The following SLC18A2 variants were observed in gnomAD, a reference collection of about 807,000 sequenced individuals.
SLC18A2 encodes solute carrier family 18 member A2.
Under a neutral mutation model 59.2 loss-of-function variants are expected in SLC18A2, and 33 were observed. That is an observed-to-expected ratio of 0.56 (90% CI 0.42 to 0.75). SLC18A2 has a LOEUF of 0.75. Ranked by LOEUF, SLC18A2 falls within the 30% of genes least tolerant of loss-of-function variation. SLC18A2 has a pLI of 0.00. For missense variants in SLC18A2, 569 were observed against 668.6 expected (o/e 0.85, Z 1.64); for synonymous variants, 228 against 253.5 (o/e 0.90, Z 0.95).
At chr10:117,265,890 G>A (rs928846694) in intron 10 of SLC18A2, among the ~76,000 whole-genome samples, 1 of 152,132 alleles carries the variant, frequency 6.6e-6, no homozygotes, top group Admixed American at 6.5e-5. Context: ...AGGAGTTTGA[G>A]CCCAGCCTGG....
intron 3 of SLC18A2, among the ~76,000 whole-genome samples, chr10:117,251,826 A>G (rs1373268858): frequency 1.3e-5 from 2 of 152,210 alleles, no homozygotes; most frequent in African/African-American, 4.8e-5. Context: ...GACAGATATC[A>G]TGCCTCAGTT....
At chr10:117,263,205 T>G (rs1844314057) in intron 10 of SLC18A2, among the ~76,000 whole-genome samples, 3 of 152,160 alleles carry the variant, frequency 2.0e-5, no homozygotes, top group African/African-American at 7.2e-5. Context: ...CTTCCCTAGT[T>G]CTCTGTAGCT....
At chr10:117,247,179 A>G (rs943467968) in intron 3 of SLC18A2, among the ~76,000 whole-genome samples, 47 of 152,252 alleles carry the variant, frequency 3.1e-4, no homozygotes, top group African/African-American at 1.1e-3. Flanking sequence ...CTTTTGATGT[A>G]AACTGTGCCA....
At chr10:117,262,967 T>A (rs1844310741) in intron 10 of SLC18A2, among the ~76,000 whole-genome samples, 1 of 152,204 alleles carries the variant, frequency 6.6e-6, no homozygotes, top group South Asian at 2.1e-4. Context: ...CCAGAAGCCA[T>A]GGGCCATCAG....
At chr10:117,253,963 A>G in intron 4 of SLC18A2, 85 bp from the exon 5 acceptor site, 1 of 1,226,266 alleles carries the variant, frequency 8.2e-7, no homozygotes, top group Non-Finnish European at 1.2e-6. Flanking sequence ...CCACTGGGTT[A>G]AGGGGGGCTT....
rs770969143 is a variant in SLC18A2 at position 117,267,745 on chromosome 10, C to T, written c.1186+9C>T. ...AGTTGGTTTTGCAATTGGTAAGTCA[C>T]ACGAACCTTGTGCCTACATTTAAAA... On this transcript the variant is annotated intron_variant, in intron 13 of 15. Coordinates refer to ENST00000644641, the MANE Select transcript of SLC18A2 (RefSeq NM_003054.6). 1 of 1,547,770 alleles carries T rather than the reference C, an allele frequency of 6.5e-7. No individual in the cohort carries two copies.
rs755012803 is a variant in SLC18A2, at chr10:117,244,049, A to C, written c.200A>C (p.His67Pro). Residue 67 changes from histidine (H) to proline (P), a missense_variant, in exon 3 of 16, where the codon CAC (histidine) becomes CCC (proline). His to Pro is a moderately conservative substitution (Grantham distance 77). Transcript: ENST00000644641. ...GAAATCCAGACGGCCAGGCCAGTGC[A>C]CACTGCCTCCATCTCAGACAGCTTC... is the stretch of plus-strand genomic sequence containing the variant. ...ATEIQTARPV[H>P]TASISDSFQS... The C allele has an allele frequency of 4.3e-6, 7 of 1,614,064 alleles. No homozygotes were observed. Among genetic ancestry groups the C allele is most frequent in the Admixed American group, 1.7e-5 (1 of 60,000 alleles).
In SLC18A2 at chr10:117,269,017, C is replaced by T. The variant is rs547307510; in HGVS notation, c.1187-1054C>T. Among the ~76,000 whole-genome samples, 1 of 151,528 alleles carries T rather than the reference C, an allele frequency of 6.6e-6. No homozygotes were observed. Among genetic ancestry groups the T allele is most frequent in the South Asian group, 2.1e-4 (1 of 4,774 alleles). On this transcript the variant is annotated intron_variant, in intron 13 of 15. Transcript: ENST00000644641. The surrounding 1 kb of genome is among the most constrained non-coding windows in gnomAD (Gnocchi z 5.1). ...ACACAAACACACATACACACACTGACACACGCATACACACACACATACACA... is the reference window on the plus strand; with the variant it reads ...ACACAAACACACATACACACACTGATACACGCATACACACACACATACACA...
chr10:117,254,405 G>A lies in SLC18A2; in HGVS notation c.608G>A (p.Gly203Glu). 6.3e-7 allele frequency: 1 copy of A among 1,585,612 alleles called. No individual in the cohort carries two copies. The highest frequency in any genetic ancestry group is 8.6e-7 in the Non-Finnish European group (1 of 1,164,602). The part of the protein sequence containing the change: ...GIGSSCSSVA[G>E]MGMLASVYTD... The stretch of plus-strand genomic sequence containing the variant: ...GTTGACTATTTCTTTCCCTGTGTAG[G>A]GATGGGCATGCTTGCCAGTGTCTAC... The change falls in exon 6 of 16, where the codon GGG becomes GAG. Residue 203 changes from glycine (G) to glutamate (E), a missense_variant and splice_region_variant. This residue lies in a region of SLC18A2 where 377 missense variants were observed against 389.8 expected (regional missense o/e 0.97). Transcript: ENST00000644641.
At chr10:117,256,913 C>T (rs1468751966) in intron 9 of SLC18A2, among the ~76,000 whole-genome samples, 1 of 152,176 alleles carries the variant, frequency 6.6e-6, no homozygotes, top group Non-Finnish European at 1.5e-5. Context: ...AGTACCTGCT[C>T]ACAGGAGACA....
intron 3 of SLC18A2, among the ~76,000 whole-genome samples, chr10:117,251,296 TCTC>T (rs1288087248): frequency 2.0e-5 from 3 of 152,164 alleles, no homozygotes; most frequent in Non-Finnish European, 4.4e-5. Context: ...GCCTGTGAGT[TCTC>T]CTCTCTGAGC....
Position 117,278,493 on chromosome 10 carries a change from G to C in SLC18A2, c.*1227G>C, listed in dbSNP as rs1402810501. The C allele has an allele frequency of 6.6e-6, 1 of 152,190 alleles. No individual in the cohort carries two copies. The highest frequency in any genetic ancestry group is 2.4e-5 in the African/African-American group (1 of 41,444). 9.4% of individuals were successfully genotyped at this position (152,190 alleles called of 1,614,324 possible). The stretch of plus-strand genomic sequence containing the variant: ...ATTGATGTGCCTTTTCAGTGTAACA[G>C]CAAATACTGTTAGTGAACATTGTCA... On this transcript the variant is annotated 3_prime_UTR_variant, in exon 16 of 16. Coordinates refer to ENST00000644641, the MANE Select transcript of SLC18A2 (RefSeq NM_003054.6).
chr10:117,278,869 A>C lies in SLC18A2; in HGVS notation c.*1603A>C, dbSNP rs1263927025. The C allele has an allele frequency of 6.6e-6, 1 of 152,216 alleles. No individual in the cohort carries two copies. Among genetic ancestry groups the C allele is most frequent in the Non-Finnish European group, 1.5e-5 (1 of 68,046 alleles). 9.4% of individuals were successfully genotyped at this position (152,216 alleles called of 1,614,324 possible). ...ACTTGGCCAAGTCTGCCACTTTGGAAGATGGCTCTGGAGGAAACTCTCATA... is the reference window on the plus strand; with the variant it reads ...ACTTGGCCAAGTCTGCCACTTTGGACGATGGCTCTGGAGGAAACTCTCATA... On this transcript the variant is annotated 3_prime_UTR_variant, in exon 16 of 16. Coordinates refer to ENST00000644641, the MANE Select transcript of SLC18A2 (RefSeq NM_003054.6).
At chr10:117,255,930 G>A (rs751110491) in intron 9 of SLC18A2, among the ~76,000 whole-genome samples, 2 of 152,212 alleles carry the variant, frequency 1.3e-5, no homozygotes, top group Non-Finnish European at 2.9e-5. Context: ...TCCTGGGGAT[G>A]CCCGGCTGGG....
intron 3 of SLC18A2, among the ~76,000 whole-genome samples, chr10:117,248,974 T>C (rs363337): frequency 0.21 from 32,045 of 152,216 alleles, 3,986 homozygotes; most frequent in East Asian, 0.56. Flanking sequence ...TTGAAAGCAG[T>C]TCTTTTTGCT....
intron 3 of SLC18A2, 96 bp from the exon 4 acceptor site, chr10:117,253,303 T>A (rs978923253): frequency 8.2e-6 from 7 of 853,728 alleles, no homozygotes; most frequent in Non-Finnish European, 9.9e-6. Context: ...AACACTTATC[T>A]GTCTGATCCC....
chr10:117,241,967 C>T, intron 2 of SLC18A2, 153 bp downstream of exon 2: 4 of 727,480 alleles, frequency 5.5e-6, no homozygotes, highest in Non-Finnish European at 8.4e-6. Flanking sequence ...TCCAGGCTGC[C>T]GCGCCGGGGC....
chr10:117,254,338 C>T (rs1198766612), intron 5 of SLC18A2, 67 bp from the exon 6 acceptor site: 8 of 1,369,610 alleles, frequency 5.8e-6, no homozygotes, highest in Admixed American at 2.0e-5. Flanking sequence ...AGAGGGAAGG[C>T]GAGTCACGCA....
chr10:117,265,384 T>C (rs781147822), intron 10 of SLC18A2, among the ~76,000 whole-genome samples: 2 of 152,108 alleles, frequency 1.3e-5, no homozygotes, highest in Non-Finnish European at 2.9e-5. Context: ...CCCATGCATT[T>C]TGAGTGTAGC....
Sources: allele counts gnomAD v4.1 joint callset (sites outside exome capture counted in the v4.1 genomes callset), GRCh38; gene constraint gnomAD v4.1.1; regional missense constraint gnomAD v4.1.1; non-coding constraint Gnocchi (gnomAD v3.1); transcripts MANE v1.5; gene names NCBI Gene and HGNC (gene_info 2026-07-23, HGNC 2026-07-21).